Variants in PARVB observed in about 807,000 individuals in gnomAD.
PARVB encodes parvin beta.
PARVB carries 46 observed loss-of-function variants against 47.0 expected under a neutral mutation model. That is an observed-to-expected ratio of 0.98 (90% confidence interval 0.77 to 1.25). The LOEUF (loss-of-function observed/expected upper bound fraction) is 1.25, where lower values mean the gene tolerates loss of function less well. Ranked by LOEUF, PARVB falls within the 50% of genes most tolerant of loss-of-function variation. The pLI is 0.00. For synonymous variants in PARVB, 196 were observed against 196.3 expected (o/e 1.00, Z 0.01); for missense variants, 473 against 471.6 (o/e 1.00, Z -0.03).
At chr22:44,078,859 G>A (rs1327715830) in intron 1 of PARVB, among the ~76,000 whole-genome samples, 1 of 152,126 alleles carries the variant, frequency 6.6e-6, no homozygotes, top group Non-Finnish European at 1.5e-5. Flanking sequence ...CAAGTAACTA[G>A]GATTACAGGC....
chr22:44,146,274 CACAT>C (rs1291328001), intron 8 of PARVB: 5 of 145,462 alleles, frequency 3.4e-5, no homozygotes, highest in African/African-American at 1.3e-4. Context: ...ACAGCACACA[CACAT>C]GTTCACACAC....
In PARVB at chr22:44,024,311, G is replaced by C; in HGVS notation, c.-29G>C. 9.9e-7 allele frequency: 1 copy of C among 1,006,322 alleles called. No homozygotes were observed. Among genetic ancestry groups the C allele is most frequent in the Non-Finnish European group, 1.2e-6 (1 of 844,098 alleles). 62.3% of individuals were successfully genotyped at this position (1,006,322 alleles called of 1,614,324 possible). A position where few individuals can be genotyped will look rare whatever the true frequency, so the allele number is the denominator to read the frequency against. Reference sequence around the variant, plus strand: ...GCGACCGGGCGGCTCCACACGCGCTGCGCCCGCCGCCGGCCCCACGCGCGG... The same window carrying C: ...GCGACCGGGCGGCTCCACACGCGCTCCGCCCGCCGCCGGCCCCACGCGCGG... On this transcript the variant is annotated 5_prime_UTR_variant, in exon 1 of 13. Transcript: ENST00000338758.
At chr22:44,100,864 G>T (rs2052426868) in intron 3 of PARVB, among the ~76,000 whole-genome samples, 1 of 152,174 alleles carries the variant, frequency 6.6e-6, no homozygotes, top group Non-Finnish European at 1.5e-5. Flanking sequence ...ACCCAGGGTG[G>T]GCTCTTGGGC....
chr22:44,040,610 A>G (rs1399503222), intron 1 of PARVB, among the ~76,000 whole-genome samples: 2 of 152,158 alleles, frequency 1.3e-5, no homozygotes, highest in African/African-American at 4.8e-5. Flanking sequence ...AAGCCAGGAA[A>G]TTGATTTCCT....
chr22:44,063,944 G>T (rs1325439355), intron 1 of PARVB, among the ~76,000 whole-genome samples: 2 of 152,236 alleles, frequency 1.3e-5, no homozygotes, highest in East Asian at 3.8e-4. Context: ...TCGGGGCCAG[G>T]TGTTCCGTGG....
chr22:44,019,251 T>G (rs28665412), intron 2 of PARVB, among the ~76,000 whole-genome samples: 2,275 of 139,392 alleles, frequency 0.016, 65 homozygotes, highest in African/African-American at 0.059. Context: ...ATGGAGTCTT[T>G]CTCTGTTGCC....
chr22:44,116,006 C>G (rs1481977378), intron 3 of PARVB: 4 of 142,938 alleles, frequency 2.8e-5, no homozygotes, highest in African/African-American at 1.0e-4. Context: ...CATCCCATTA[C>G]TAACTATGGA....
intron 11 of PARVB, 38 bp from the exon 12 acceptor site, chr22:44,163,820 T>A: frequency 6.5e-7 from 1 of 1,549,554 alleles, no homozygotes; most frequent in Non-Finnish European, 8.8e-7. Context: ...GGAACGACTG[T>A]TGGACCCTAA....
chr22:44,128,487 G>A (rs146781157), intron 4 of PARVB, among the ~76,000 whole-genome samples: 100 of 152,348 alleles, frequency 6.6e-4, no homozygotes, highest in East Asian at 2.7e-3. Context: ...ATCATGTGCC[G>A]TATTCTCTGT....
chr22:44,114,153 A>G (rs189671808), intron 3 of PARVB: 2 of 110,176 alleles, frequency 1.8e-5, no homozygotes. Context: ...GTTACTAAGT[A>G]TGGCCCTGCA....
At chr22:44,158,645 T>C (rs1297980813) in intron 11 of PARVB, among the ~76,000 whole-genome samples, 2 of 152,240 alleles carry the variant, frequency 1.3e-5, no homozygotes, top group Non-Finnish European at 2.9e-5. Flanking sequence ...TTTGGGGCAT[T>C]CCTTTCAATC....
intron 1 of PARVB, among the ~76,000 whole-genome samples, chr22:44,046,293 G>T (rs1176908578): frequency 6.6e-6 from 1 of 152,230 alleles, no homozygotes. Flanking sequence ...CTTGCAGGAA[G>T]TCAGAAGTGT....
intron 1 of PARVB, among the ~76,000 whole-genome samples, chr22:44,053,347 G>T (rs6006634): frequency 0.62 from 93,842 of 151,938 alleles, 29,110 homozygotes; most frequent in East Asian, 0.82. Flanking sequence ...TTCCCAAAGT[G>T]CTGGGATTAC....
At chr22:44,071,004 G>A (rs962488254) in intron 1 of PARVB, among the ~76,000 whole-genome samples, 4 of 152,148 alleles carry the variant, frequency 2.6e-5, no homozygotes, top group African/African-American at 7.2e-5. Flanking sequence ...CTGCCCGCCC[G>A]CCTTGGCCTG....
intron 8 of PARVB, chr22:44,140,660 C>T (rs1718265120): frequency 2.0e-6 from 1 of 508,862 alleles, no homozygotes; most frequent in Non-Finnish European, 3.9e-6. Flanking sequence ...CCTCTCTCTG[C>T]TCCTCATCCG....
intron 3 of PARVB, chr22:44,111,837 G>A (rs2052705794): frequency 6.6e-6 from 1 of 151,860 alleles, no homozygotes; most frequent in African/African-American, 2.4e-5. Context: ...GCATCTCTCA[G>A]GCTTGGGGCT....
intron 1 of PARVB, among the ~76,000 whole-genome samples, chr22:44,066,112 AT>A (rs2051518616): frequency 6.6e-6 from 1 of 152,198 alleles, no homozygotes; most frequent in African/African-American, 2.4e-5. Context: ...GCAAACATCT[AT>A]TGAGCGCCTA....
chr22:44,060,393 C>T (rs1036396561), intron 1 of PARVB, among the ~76,000 whole-genome samples: 3 of 152,098 alleles, frequency 2.0e-5, no homozygotes, highest in Admixed American at 6.6e-5. Flanking sequence ...GCAAGGGAAT[C>T]GTTTTCAATA....
intron 1 of PARVB, among the ~76,000 whole-genome samples, chr22:44,064,759 T>C (rs1388649539): frequency 1.3e-5 from 2 of 152,066 alleles, no homozygotes; most frequent in African/African-American, 4.8e-5. Context: ...GAGGCTGAGG[T>C]GGGAGGATCA....
Sources: gnomAD v4.1 joint callset for allele counts (sites outside exome capture counted in the v4.1 genomes callset) on GRCh38, gnomAD v4.1.1 for gene constraint, MANE v1.5 for transcripts, NCBI Gene and HGNC (gene_info 2026-07-23, HGNC 2026-07-21) for gene names.